VPS13D: variants seen among roughly 807,000 people sequenced by gnomAD.
The protein encoded by VPS13D is intermembrane lipid transfer protein VPS13D.
Under a neutral mutation model 461.9 loss-of-function variants are expected in VPS13D, and 187 were observed. That is an observed-to-expected ratio of 0.40 (90% CI 0.36 to 0.46). VPS13D has a LOEUF of 0.46. VPS13D is among the 20% of genes least tolerant of loss of function. The pLI, the probability that VPS13D is intolerant of heterozygous loss-of-function variation, is 0.60. For missense variants in VPS13D, 4,711 were observed against 5,364.9 expected (o/e 0.88, Z 3.81); for synonymous variants, 1,951 against 1,986.3 (o/e 0.98, Z 0.47).
At position 12,394,320 on chromosome 1, in the gene VPS13D, A is replaced by G. The variant is rs561130755; in HGVS notation, c.11635-5861A>G. On this transcript the variant is annotated intron_variant, in intron 60 of 69. Coordinates refer to ENST00000620676, the MANE Select transcript of VPS13D (RefSeq NM_015378.4). Reference sequence around the variant, plus strand: ...TAAGTAGGAATGCAGCAGGCTTCCTATTAATTTCGCTTCTAGGAACACCAT... The same window carrying G: ...TAAGTAGGAATGCAGCAGGCTTCCTGTTAATTTCGCTTCTAGGAACACCAT... Among the ~76,000 whole-genome samples the G allele has an allele frequency of 2.1e-3, 321 of 152,138 alleles. 1 individual carries two copies. Among genetic ancestry groups the G allele is most frequent in the Non-Finnish European group, 4.0e-3 (271 of 68,018 alleles).
Position 12,507,398 on chromosome 1 carries a change from A to G in VPS13D, c.13035+305A>G, listed in dbSNP as rs770761547. On this transcript the variant is annotated intron_variant, in intron 69 of 69. Transcript: ENST00000620676. The surrounding 1 kb of genome is among the most constrained non-coding windows in gnomAD (Gnocchi z 5.3). ...CTCTCGTTGGTGATAAGGAACAGCT[A>G]ACACAACACACAGGGTTTTTCTGCT... 6.7e-6 allele frequency: 4 copies of G among 594,578 alleles called. No individual in the cohort carries two copies. Among genetic ancestry groups the G allele is most frequent in the Non-Finnish European group, 1.3e-5 (4 of 310,150 alleles). 36.8% of individuals were successfully genotyped at this position (594,578 alleles called of 1,614,324 possible). A position where few individuals can be genotyped will look rare whatever the true frequency, so the allele number is the denominator to read the frequency against.
intron 60 of VPS13D, among the ~76,000 whole-genome samples, chr1:12,398,098 G>T (rs1644522647): frequency 1.3e-5 from 2 of 152,208 alleles, no homozygotes; most frequent in Admixed American, 1.3e-4. Context: ...TTTACTGAAA[G>T]ATCACTTTGG....
chr1:12,244,744 GCT>G, intron 5 of VPS13D, 127 bp downstream of exon 5: 1 of 810,574 alleles, frequency 1.2e-6, no homozygotes, highest in East Asian at 2.7e-5. Context: ...GGGGCTGGCT[GCT>G]CAGGTCTGCC....
intron 50 of VPS13D, 119 bp downstream of exon 50, chr1:12,358,720 A>G: frequency 7.7e-7 from 1 of 1,300,776 alleles, no homozygotes; most frequent in East Asian, 2.5e-5. Flanking sequence ...CTTATTTGGC[A>G]TTGGGTCAGG....
intron 67 of VPS13D, among the ~76,000 whole-genome samples, chr1:12,480,386 C>T (rs183470072): frequency 1.7e-4 from 26 of 152,238 alleles, no homozygotes; most frequent in Admixed American, 1.3e-3. Flanking sequence ...TTGGGTGCCA[C>T]GGATCCTGGA....
At chr1:12,447,910 G>A (rs1465911014) in intron 65 of VPS13D, among the ~76,000 whole-genome samples, 2 of 152,134 alleles carry the variant, frequency 1.3e-5, no homozygotes, top group African/African-American at 4.8e-5. Context: ...GCTTTCCTTT[G>A]TTCCAGAATG....
chr1:12,301,749 C>G (rs192437749), intron 25 of VPS13D, among the ~76,000 whole-genome samples: 1 of 152,310 alleles, frequency 6.6e-6, no homozygotes, highest in East Asian at 1.9e-4. Flanking sequence ...TCTAATCACA[C>G]GGTTGCCTGT....
At chr1:12,379,687 C>T in intron 57 of VPS13D, 91 bp downstream of exon 57, 1 of 884,940 alleles carries the variant, frequency 1.1e-6, no homozygotes, top group Non-Finnish European at 1.7e-6. Context: ...ATGAATTGTT[C>T]AGTGGGAAAA....
intron 20 of VPS13D, among the ~76,000 whole-genome samples, chr1:12,280,050 A>G (rs1352810635): frequency 1.4e-5 from 2 of 146,604 alleles, no homozygotes; most frequent in African/African-American, 5.2e-5. Context: ...CTTTCAACAG[A>G]GAATTAGTCC....
rs1310018771 is a variant in VPS13D, at chr1:12,502,300, G to A, written c.12795-4553G>A. Among the ~76,000 whole-genome samples the A allele has an allele frequency of 6.6e-6, 1 of 152,174 alleles. No homozygotes were observed. The highest frequency in any genetic ancestry group is 1.5e-5 in the Non-Finnish European group (1 of 68,026). ...GACAGATTGGAGAGGCATTTAGGAG[G>A]CAGCATCAGTGGAACCCTCAACTGC... is the stretch of plus-strand genomic sequence containing the variant. On this transcript the variant is annotated intron_variant, in intron 68 of 69. Transcript: ENST00000620676. This position sits in a 1 kb window ranked among gnomAD's most constrained non-coding sequence, Gnocchi z 4.3.
At chr1:12,381,018 G>A (rs1644265667) in intron 57 of VPS13D, among the ~76,000 whole-genome samples, 2 of 152,142 alleles carry the variant, frequency 1.3e-5, no homozygotes, top group Admixed American at 6.5e-5. Context: ...TAATTCCAAT[G>A]CTCTTGGAGC....
At position 12,321,810 on chromosome 1, in the gene VPS13D, T is replaced by A; in HGVS notation, c.7550T>A (p.Val2517Glu). ...PFSGSLFGIE[V>E]FSCRLGNEHD... ...GCCATATTGCATTTCATTCTGTAGG[T>A]GTTTTCATGCCGACTAGGGAATGAG... Residue 2517 changes from valine to glutamate, a missense_variant and splice_region_variant, in exon 33 of 70, where the codon GTG becomes GAG. Transcript: ENST00000620676. 6.3e-7 allele frequency: 1 copy of A among 1,599,520 alleles called. No homozygotes were observed. Among genetic ancestry groups the A allele is most frequent in the Non-Finnish European group, 8.5e-7 (1 of 1,175,740 alleles).
chr1:12,232,077 C>T (rs1464500259), intron 1 of VPS13D, among the ~76,000 whole-genome samples: 3 of 152,022 alleles, frequency 2.0e-5, no homozygotes, highest in East Asian at 1.9e-4. Flanking sequence ...CTTATAACAT[C>T]TTCTTTAAAC....
At chr1:12,369,430 A>C in intron 53 of VPS13D, 37 bp from the exon 54 acceptor site, 1 of 1,600,530 alleles carries the variant, frequency 6.2e-7, no homozygotes, top group Non-Finnish European at 8.6e-7. Flanking sequence ...CCCACTCTGA[A>C]TGAAAGTCCT....
At chr1:12,261,837 G>A (rs1641118485) in intron 12 of VPS13D, 64 bp from the exon 13 acceptor site, 1 of 1,395,096 alleles carries the variant, frequency 7.2e-7, no homozygotes, top group Admixed American at 2.0e-5. Context: ...TGATCAGTCT[G>A]CTTGCTGGTG....
chr1:12,438,867 C>G (rs1432435328), intron 65 of VPS13D, among the ~76,000 whole-genome samples: 1 of 152,202 alleles, frequency 6.6e-6, no homozygotes, highest in Admixed American at 6.5e-5. Context: ...TATTCTTCTC[C>G]ATCTCCTTTC....
At chr1:12,503,098 A>G (rs1320384710) in intron 68 of VPS13D, among the ~76,000 whole-genome samples, 1 of 152,120 alleles carries the variant, frequency 6.6e-6, no homozygotes, top group Non-Finnish European at 1.5e-5. Context: ...TGATGCTACC[A>G]TGGCTGCTGT....
chr1:12,231,604 C>T (rs1421621291), intron 1 of VPS13D, among the ~76,000 whole-genome samples: 1 of 152,206 alleles, frequency 6.6e-6, no homozygotes, highest in Non-Finnish European at 1.5e-5. Context: ...AAAGAGTACT[C>T]TGACCTTGGC....
chr1:12,296,289 G>GTATAATAAT (rs1642274054), intron 24 of VPS13D, among the ~76,000 whole-genome samples: 1 of 152,136 alleles, frequency 6.6e-6, no homozygotes, highest in Admixed American at 6.5e-5. Flanking sequence ...CATCAGCAGT[G>GTATAATAAT]TATAATAATT....
Sources: allele counts gnomAD v4.1 joint callset (sites outside exome capture counted in the v4.1 genomes callset), GRCh38; gene constraint gnomAD v4.1.1; non-coding constraint Gnocchi (gnomAD v3.1); transcripts MANE v1.5; gene names NCBI Gene and HGNC (gene_info 2026-07-23, HGNC 2026-07-21).